SKI: variants seen among roughly 807,000 people sequenced by gnomAD.
The protein encoded by SKI is SKI proto-oncogene, also known as ski oncogene.
Under a neutral mutation model 59.3 loss-of-function variants are expected in SKI, and 23 were observed. That is an observed-to-expected ratio of 0.39 (90% CI 0.28 to 0.55). The LOEUF is 0.55. Ranked by LOEUF, SKI falls within the 20% of genes least tolerant of loss-of-function variation. SKI has a pLI of 0.67. For synonymous variants in SKI, 673 were observed against 488.6 expected, an observed-to-expected ratio of 1.38 and a Z score of -4.98; for missense variants, 1,017 against 1,038.9, an observed-to-expected ratio of 0.98 and a Z score of 0.29.
Position 2,304,701 on chromosome 1 carries a change from C to G in SKI, c.1767+116C>G, listed in dbSNP as rs997394846. 4.9e-6 allele frequency: 7 copies of G among 1,433,012 alleles called. No individual in the cohort carries two copies. In the African/African-American group the frequency reaches 8.6e-5, roughly 18 times the overall value. 88.8% of individuals were successfully genotyped at this position (1,433,012 alleles called of 1,614,324 possible). A position where few individuals can be genotyped will look rare whatever the true frequency, so the allele number is the denominator to read the frequency against. On this transcript the variant is annotated intron_variant, in intron 5 of 6. Transcript: ENST00000378536. Reference sequence around the variant, plus strand: ...CTTCCTGGCTGCCCCATGCGCTCCTCTCTGCCTCCACCTCAGTGGGCCTGC... The same window carrying G: ...CTTCCTGGCTGCCCCATGCGCTCCTGTCTGCCTCCACCTCAGTGGGCCTGC...
intron 1 of SKI, among the ~76,000 whole-genome samples, chr1:2,241,685 G>A (rs568396711): frequency 1.3e-5 from 2 of 152,282 alleles, no homozygotes; most frequent in African/African-American, 2.4e-5. Flanking sequence ...GAGCCACTGC[G>A]CCCGGCCAGG....
intron 1 of SKI, among the ~76,000 whole-genome samples, chr1:2,247,378 C>T (rs1450938432): frequency 6.6e-6 from 1 of 152,234 alleles, no homozygotes; most frequent in Admixed American, 6.5e-5. Flanking sequence ...TGACCAAGGG[C>T]CTGTTTGCAG....
At position 2,308,291 on chromosome 1, in the gene SKI, A is replaced by C. The variant is rs1640651058; in HGVS notation, c.*1526A>C. The C allele has an allele frequency of 6.6e-6, 1 of 152,140 alleles. No individual in the cohort carries two copies. The highest frequency in any genetic ancestry group is 1.5e-5 in the Non-Finnish European group (1 of 68,022). The allele number at this position is 152,140 out of a possible 1,614,324, so 9.4% of individuals were successfully genotyped here. A position where few individuals can be genotyped will look rare whatever the true frequency, so the allele number is the denominator to read the frequency against. ...GGGCAGTGACGAGCAAAGACCAGAGACTGCTGAGCCCTCGCATCTGGGTGG... is the reference window on the plus strand; with the variant it reads ...GGGCAGTGACGAGCAAAGACCAGAGCCTGCTGAGCCCTCGCATCTGGGTGG... On this transcript the variant is annotated 3_prime_UTR_variant, in exon 7 of 7. Coordinates refer to ENST00000378536, the MANE Select transcript of SKI (RefSeq NM_003036.4).
rs867978832 is a variant in SKI at position 2,309,673 on chromosome 1, C to A, written c.*2908C>A. On this transcript the variant is annotated 3_prime_UTR_variant, in exon 7 of 7. Transcript: ENST00000378536. ...TGTGGGTCTGAGCCCCGGCCCCCCC[C>A]ACCTCCTCCTCCCTGTGGGTCCGAA... 1.6e-5 allele frequency: 2 copies of A among 121,250 alleles called. No individual in the cohort carries two copies. The highest frequency in any genetic ancestry group is 6.3e-5 in the African/African-American group (2 of 31,616). The allele number at this position is 121,250 out of a possible 1,614,324, so 7.5% of individuals were successfully genotyped here.
At chr1:2,294,074 G>A (rs1013416630) in intron 1 of SKI, among the ~76,000 whole-genome samples, 1 of 152,172 alleles carries the variant, frequency 6.6e-6, no homozygotes, top group South Asian at 2.1e-4. Flanking sequence ...GAAGGATGTC[G>A]TGCAGGAAGG....
intron 1 of SKI, among the ~76,000 whole-genome samples, chr1:2,252,150 C>G (rs1016289895): frequency 2.6e-5 from 4 of 152,218 alleles, no homozygotes; most frequent in African/African-American, 7.2e-5. Flanking sequence ...GGGCGCTCTT[C>G]AGATGTGGAG....
intron 5 of SKI, among the ~76,000 whole-genome samples, chr1:2,305,688 G>A (rs997393308): frequency 1.3e-5 from 2 of 152,216 alleles, no homozygotes; most frequent in African/African-American, 4.8e-5. Context: ...TCCTCACATT[G>A]ATGGGAGCCA....
At chr1:2,290,893 C>T (rs1640148312) in intron 1 of SKI, among the ~76,000 whole-genome samples, 1 of 152,244 alleles carries the variant, frequency 6.6e-6, no homozygotes, top group African/African-American at 2.4e-5. Flanking sequence ...GCATCCTGTG[C>T]CGCTTCTGTG....
chr1:2,254,043 G>A (rs1282852382), intron 1 of SKI, among the ~76,000 whole-genome samples: 1 of 152,240 alleles, frequency 6.6e-6, no homozygotes, highest in Non-Finnish European at 1.5e-5. Flanking sequence ...ACGGATGCTT[G>A]TCCGGAGCTG....
chr1:2,263,517 G>C (rs1000591297), intron 1 of SKI, among the ~76,000 whole-genome samples: 1 of 151,588 alleles, frequency 6.6e-6, no homozygotes, highest in Non-Finnish European at 1.5e-5. Context: ...GATTACAGGC[G>C]TGAGCCACTG....
At chr1:2,282,643 C>T (rs1347298951) in intron 1 of SKI, among the ~76,000 whole-genome samples, 3 of 152,192 alleles carry the variant, frequency 2.0e-5, no homozygotes, top group Non-Finnish European at 4.4e-5. Flanking sequence ...TTCCCCCAAG[C>T]CCGCTGGCTC....
At chr1:2,251,699 A>G (rs956495227) in intron 1 of SKI, among the ~76,000 whole-genome samples, 7 of 152,172 alleles carry the variant, frequency 4.6e-5, no homozygotes, top group South Asian at 2.1e-4. Context: ...GTGGAACCCA[A>G]TGTATGTGAT....
rs1296754646 is a variant in SKI at position 2,306,247 on chromosome 1, C to T, written c.1995C>T (p.Ala665=). The T allele has an allele frequency of 3.9e-6, 6 of 1,551,784 alleles. No individual in the cohort carries two copies. Among genetic ancestry groups the T allele is most frequent in the Non-Finnish European group, 5.2e-6 (6 of 1,148,598 alleles). Residue 665 remains alanine (A), a synonymous_variant, in exon 6 of 7, where the codon GCC becomes GCT. Transcript: ENST00000378536. ...EAGRLRAKYS[A]QIEDLQVKLQ... ...GCCGCCTGCGCGCCAAGTACTCGGC[C>T]CAGGTATGCGGGTGGGGAGACTGAG...
At position 2,268,765 on chromosome 1, in the gene SKI, T is replaced by TCG. The variant is rs1639551706; in HGVS notation, c.970-34213_970-34212insCG. 6.6e-6 allele frequency among the ~76,000 whole-genome samples: 1 copy of TCG among 152,116 alleles called. No individual in the cohort carries two copies. The highest frequency in any genetic ancestry group is 2.4e-5 in the African/African-American group (1 of 41,422). On this transcript the variant is annotated intron_variant, in intron 1 of 6. Transcript: ENST00000378536. The surrounding 1 kb of genome is among the most constrained non-coding windows in gnomAD (Gnocchi z 5.0). ...GGAGAGGCCATGACAGGAGTGGGTG[T>TCG]GGGGACTGGTGGGGACAGCGACTGT...
chr1:2,271,165 C>T (rs1461669302), intron 1 of SKI, among the ~76,000 whole-genome samples: 1 of 152,094 alleles, frequency 6.6e-6, no homozygotes, highest in Non-Finnish European at 1.5e-5. Flanking sequence ...ACCCCAGGGT[C>T]CCGGGACAGT....
intron 1 of SKI, among the ~76,000 whole-genome samples, chr1:2,249,098 T>C (rs1639062614): frequency 6.6e-6 from 1 of 152,178 alleles, no homozygotes; most frequent in African/African-American, 2.4e-5. Context: ...CGAGTGCTGT[T>C]GTTTCTTGGT....
chr1:2,266,990 C>G (rs1338339068), intron 1 of SKI, among the ~76,000 whole-genome samples: 3 of 152,184 alleles, frequency 2.0e-5, no homozygotes, highest in African/African-American at 7.2e-5. Flanking sequence ...GGTTTAAAAA[C>G]ATCGCTGAAT....
rs529951326 is a variant in SKI, at chr1:2,309,038, G to C, written c.*2273G>C. 6.6e-6 allele frequency: 1 copy of C among 152,230 alleles called. No individual in the cohort carries two copies. Among genetic ancestry groups the C allele is most frequent in the African/African-American group, 2.4e-5 (1 of 41,440 alleles). 9.4% of individuals were successfully genotyped at this position (152,230 alleles called of 1,614,324 possible). Reference sequence around the variant, plus strand: ...CAGTGGGACCCGGACGTGGGCAGGCGAGCTCGGGACCCTCCCAGGCAGTTC... The same window carrying C: ...CAGTGGGACCCGGACGTGGGCAGGCCAGCTCGGGACCCTCCCAGGCAGTTC... On this transcript the variant is annotated 3_prime_UTR_variant, in exon 7 of 7. Coordinates refer to ENST00000378536, the MANE Select transcript of SKI (RefSeq NM_003036.4).
At position 2,288,849 on chromosome 1, in the gene SKI, C is replaced by T. The variant is rs573829327; in HGVS notation, c.970-14129C>T. Among the ~76,000 whole-genome samples, 6 of 152,290 alleles carry T rather than the reference C, an allele frequency of 3.9e-5. No homozygotes were observed. The East Asian group carries it at 7.7e-4, about 20-fold the overall frequency. On this transcript the variant is annotated intron_variant, in intron 1 of 6. Transcript: ENST00000378536. ...GTTCGTCTTCATCCTTTGATCCCCT[C>T]TTCCAAAAACTACCCCCTCCCCCCG...
Sources: allele counts gnomAD v4.1 joint callset (sites outside exome capture counted in the v4.1 genomes callset), GRCh38; gene constraint gnomAD v4.1.1; non-coding constraint Gnocchi (gnomAD v3.1); transcripts MANE v1.5; gene names NCBI Gene and HGNC (gene_info 2026-07-23, HGNC 2026-07-21).